PROM1: variants seen among roughly 807,000 people sequenced by gnomAD.
PROM1 encodes prominin 1, also known as prominin-1.
In PROM1, 105 loss-of-function variants were observed where a neutral mutation model predicts 116.9. The ratio of observed to expected loss-of-function variants is 0.90; its 90% CI spans 0.77 to 1.06. PROM1 has a LOEUF of 1.06. Among genes scored for constraint, PROM1 ranks in the 50% least tolerant of loss-of-function variants. The probability of loss-of-function intolerance (pLI) is 0.00; values close to 1 mark genes in which losing one functional copy is unlikely to be tolerated. For synonymous variants in PROM1, 393 were observed against 387.0 expected, an observed-to-expected ratio of 1.02 and a Z score of -0.18; for missense variants, 1,122 against 1,045.2, an observed-to-expected ratio of 1.07 and a Z score of -1.01.
At chr4:16,002,903 A>C (rs1446619040) in intron 13 of PROM1, among the ~76,000 whole-genome samples, 1 of 152,214 alleles carries the variant, frequency 6.6e-6, no homozygotes, top group African/African-American at 2.4e-5. Flanking sequence ...ATAATGGCTA[A>C]TGTGTACTGA....
At chr4:16,039,887 G>A (rs929397815) in intron 2 of PROM1, among the ~76,000 whole-genome samples, 3 of 151,992 alleles carry the variant, frequency 2.0e-5, no homozygotes, top group Admixed American at 6.6e-5. Flanking sequence ...AAAAGACTAA[G>A]AGCCACCTCT....
chr4:16,005,491 GTTTGGTGTGTGTGTGTGTGTGTGTGT>G (rs1469395392), intron 13 of PROM1, among the ~76,000 whole-genome samples: 3 of 125,130 alleles, frequency 2.4e-5, no homozygotes, highest in African/African-American at 9.4e-5. Flanking sequence ...TTTTTTGTTT[GTTTGGTGTGTGTGTGTGTGTGTGTGT>G]GTGTGTGTGT....
chr4:16,081,455 A>G (rs138545313), intron 1 of PROM1, among the ~76,000 whole-genome samples: 1,879 of 152,354 alleles, frequency 0.012, 20 homozygotes, highest in Middle Eastern at 0.085. Flanking sequence ...CATTCAGGAC[A>G]TAGGCATGGG....
At chr4:16,021,109 A>AAAAG (rs1284032284) in intron 8 of PROM1, among the ~76,000 whole-genome samples, 1 of 151,904 alleles carries the variant, frequency 6.6e-6, no homozygotes, top group African/African-American at 2.4e-5. Context: ...AAAAAAAAAA[A>AAAAG]AAAAATGCTG....
At chr4:16,050,645 C>A (rs1413985702) in intron 2 of PROM1, among the ~76,000 whole-genome samples, 2 of 152,228 alleles carry the variant, frequency 1.3e-5, no homozygotes, top group African/African-American at 4.8e-5. Context: ...TGTGAGCCAC[C>A]ATGCCCAGCC....
intron 2 of PROM1, 72 bp downstream of exon 2, chr4:16,075,615 A>G: frequency 7.2e-7 from 1 of 1,379,944 alleles, no homozygotes; most frequent in Non-Finnish European, 1.0e-6. Flanking sequence ...TATTGATTGC[A>G]TTGACATTAA....
intron 16 of PROM1, among the ~76,000 whole-genome samples, chr4:15,992,677 C>T (rs1721370005): frequency 1.3e-5 from 2 of 152,118 alleles, no homozygotes; most frequent in African/African-American, 2.4e-5. Flanking sequence ...TGTGCAAGCA[C>T]TTGACTGGCA....
intron 11 of PROM1, among the ~76,000 whole-genome samples, 164 bp from the exon 12 acceptor site, chr4:16,009,272 C>A (rs781224978): frequency 3.3e-5 from 5 of 152,150 alleles, no homozygotes; most frequent in Non-Finnish European, 7.3e-5. Context: ...ATAGCCAAGA[C>A]CATCGAAAAG....
chr4:16,073,665 T>G (rs1016744872), intron 2 of PROM1, among the ~76,000 whole-genome samples: 5 of 152,348 alleles, frequency 3.3e-5, no homozygotes, highest in East Asian at 1.9e-4. Flanking sequence ...GAGAATTTCC[T>G]TCTCCAAGGT....
chr4:15,999,768 C>T (rs887019740), intron 14 of PROM1, among the ~76,000 whole-genome samples: 10 of 151,298 alleles, frequency 6.6e-5, no homozygotes, highest in Admixed American at 2.6e-4. Context: ...CTCCTGATTT[C>T]ATAACAGATC....
chr4:16,056,363 G>T (rs1386005366), intron 2 of PROM1, among the ~76,000 whole-genome samples: 1 of 152,124 alleles, frequency 6.6e-6, no homozygotes, highest in Admixed American at 6.6e-5. Context: ...GGCCCTGAGA[G>T]GGTACACAAG....
At chr4:16,010,092 C>T (rs190467547) in intron 11 of PROM1, among the ~76,000 whole-genome samples, 1 of 152,066 alleles carries the variant, frequency 6.6e-6, no homozygotes, top group Admixed American at 6.5e-5. Context: ...TTAGGAAGTA[C>T]ATCTGTGTCT....
At chr4:15,991,196 TA>T in intron 18 of PROM1, 25 bp downstream of exon 18, 3 of 1,579,698 alleles carry the variant, frequency 1.9e-6, no homozygotes, top group Non-Finnish European at 2.6e-6. Flanking sequence ...ACTACTACAG[TA>T]TTTAACCGGA....
chr4:16,068,574 C>A (rs1055269825), intron 2 of PROM1, among the ~76,000 whole-genome samples: 2 of 152,182 alleles, frequency 1.3e-5, no homozygotes, highest in South Asian at 2.1e-4. Flanking sequence ...CTTTCTTCAG[C>A]CCTTTTTCTG....
intron 13 of PROM1, among the ~76,000 whole-genome samples, chr4:16,001,139 G>C (rs1223295763): frequency 6.6e-6 from 1 of 152,164 alleles, no homozygotes; most frequent in African/African-American, 2.4e-5. Context: ...GTGGAGAGTT[G>C]GTGGATGATG....
At chr4:16,023,143 G>A (rs930432586) in intron 8 of PROM1, among the ~76,000 whole-genome samples, 183 bp downstream of exon 8, 2 of 152,124 alleles carry the variant, frequency 1.3e-5, no homozygotes, top group African/African-American at 4.8e-5. Context: ...TTTGGCACAA[G>A]CTTTAATAAA....
At chr4:16,043,244 C>T (rs1232156003) in intron 2 of PROM1, among the ~76,000 whole-genome samples, 1 of 152,136 alleles carries the variant, frequency 6.6e-6, no homozygotes. Flanking sequence ...GTTTAGGAGT[C>T]AACAGATAAT....
intron 18 of PROM1, 123 bp from the exon 19 acceptor site, chr4:15,989,947 T>A: frequency 1.4e-6 from 1 of 726,410 alleles, no homozygotes; most frequent in Non-Finnish European, 2.3e-6. Flanking sequence ...ATGATGGCTG[T>A]GAGTGGGCAT....
intron 11 of PROM1, among the ~76,000 whole-genome samples, chr4:16,009,624 A>T (rs1726382340): frequency 6.6e-6 from 1 of 152,066 alleles, no homozygotes; most frequent in Non-Finnish European, 1.5e-5. Flanking sequence ...ATAAATAATA[A>T]TAATAATTTC....
Sources: gnomAD v4.1 joint callset for allele counts (sites outside exome capture counted in the v4.1 genomes callset) on GRCh38, gnomAD v4.1.1 for gene constraint, MANE v1.5 for transcripts, NCBI Gene and HGNC (gene_info 2026-07-23, HGNC 2026-07-21) for gene names.